Variants in GRIP1 observed in about 807,000 individuals in gnomAD.
The protein encoded by GRIP1 is glutamate receptor interacting protein 1.
In GRIP1, 45 loss-of-function variants were observed where a neutral mutation model predicts 129.9. That is an observed-to-expected ratio of 0.35 (90% CI 0.27 to 0.44). GRIP1 has a LOEUF of 0.44. GRIP1 is among the 20% of genes least tolerant of loss of function. The pLI is 1.00. For missense variants in GRIP1, 1,196 were observed against 1,396.8 expected (o/e 0.86, Z 2.29); for synonymous variants, 530 against 520.8 (o/e 1.02, Z -0.24).
At position 66,406,132 on chromosome 12, in the gene GRIP1, T is replaced by A; in HGVS notation, c.1984+151A>T. 1.2e-5 allele frequency: 8 copies of A among 682,524 alleles called. No individual in the cohort carries two copies. The South Asian group carries it at 1.5e-4, about 13-fold the overall frequency. The allele number at this position is 682,524 out of a possible 1,614,324, so 42.3% of individuals were successfully genotyped here. On this transcript the variant is annotated intron_variant, in intron 16 of 24. Coordinates refer to ENST00000359742, the MANE Select transcript of GRIP1 (RefSeq NM_001366722.1). The stretch of plus-strand genomic sequence containing the variant: ...CCATTATTTAAAATTTGTACTACAC[T>A]CTCAGCACAAAATTTAAAGACTCTT...
intron 1 of GRIP1, among the ~76,000 whole-genome samples, chr12:67,055,866 G>A (rs1172242967): frequency 6.6e-6 from 1 of 152,124 alleles, no homozygotes; most frequent in African/African-American, 2.4e-5. Context: ...GAGGATCCCA[G>A]GTATAGCCAG....
chr12:66,596,024 C>T (rs1262968143), intron 2 of GRIP1, among the ~76,000 whole-genome samples: 2 of 152,112 alleles, frequency 1.3e-5, no homozygotes, highest in Admixed American at 6.6e-5. Flanking sequence ...CTCTAAAATC[C>T]TGTAGCTGAG....
intron 1 of GRIP1, among the ~76,000 whole-genome samples, chr12:66,599,730 C>A (rs75508153): frequency 2.0e-5 from 3 of 152,128 alleles, no homozygotes; most frequent in Non-Finnish European, 2.9e-5. Flanking sequence ...TCTTCTCTTG[C>A]GTCTCTAAAT....
chr12:66,866,113 T>G (rs2137134959), intron 1 of GRIP1, among the ~76,000 whole-genome samples: 1 of 152,252 alleles, frequency 6.6e-6, no homozygotes, highest in African/African-American at 2.4e-5. Context: ...TTTAAAAACC[T>G]ATCATCATAT....
At chr12:66,817,951 A>G (rs1373889114) in intron 1 of GRIP1, among the ~76,000 whole-genome samples, 1 of 152,250 alleles carries the variant, frequency 6.6e-6, no homozygotes, top group East Asian at 1.9e-4. Context: ...AACAGAGTAT[A>G]GAAAGAAAAT....
rs77288411 is a variant in GRIP1 at position 66,904,429 on chromosome 12, G to T, written c.58+164621C>A. 2.0e-3 allele frequency among the ~76,000 whole-genome samples: 300 copies of T among 152,334 alleles called. 1 individual carries two copies. Among genetic ancestry groups the T allele is most frequent in the African/African-American group, 6.9e-3 (288 of 41,564 alleles). On this transcript the variant is annotated intron_variant, in intron 1 of 1. Coordinates refer to the GRIP1 transcript ENST00000643019. ...AAATCAATTGATCTGAGAGTTGGCTGATGGTGTTTTCAATTATGAATTTAA... is the reference window on the plus strand; with the variant it reads ...AAATCAATTGATCTGAGAGTTGGCTTATGGTGTTTTCAATTATGAATTTAA...
At chr12:66,582,702 A>T (rs897777723) in intron 2 of GRIP1, among the ~76,000 whole-genome samples, 4 of 144,654 alleles carry the variant, frequency 2.8e-5, no homozygotes, top group Admixed American at 1.4e-4. Context: ...CTTACAAGGG[A>T]CATGAAGGAC....
chr12:66,557,456 TACAG>T (rs2062374217), intron 2 of GRIP1, among the ~76,000 whole-genome samples: 1 of 152,158 alleles, frequency 6.6e-6, no homozygotes, highest in South Asian at 2.1e-4. Context: ...TAATCTGGAC[TACAG>T]ACCAAATGAA....
chr12:66,819,020 C>A (rs1234160454), intron 1 of GRIP1, among the ~76,000 whole-genome samples: 3 of 152,138 alleles, frequency 2.0e-5, no homozygotes, highest in Non-Finnish European at 1.5e-5. Context: ...ACTTAAATGT[C>A]TTTTACATGT....
At chr12:66,979,195 A>G (rs893281980) in intron 1 of GRIP1, among the ~76,000 whole-genome samples, 62 of 136,548 alleles carry the variant, frequency 4.5e-4, no homozygotes, top group Admixed American at 8.1e-4. Context: ...TTTATATAAT[A>G]TCCCCAAGCC....
chr12:66,354,947 C>T (rs1012357330), intron 23 of GRIP1, among the ~76,000 whole-genome samples: 5 of 152,136 alleles, frequency 3.3e-5, no homozygotes, highest in African/African-American at 7.2e-5. Flanking sequence ...TTCAATTTCA[C>T]TGGGGTTATG....
chr12:66,572,080 C>T (rs1462336505), intron 2 of GRIP1, among the ~76,000 whole-genome samples: 1 of 152,220 alleles, frequency 6.6e-6, no homozygotes, highest in Non-Finnish European at 1.5e-5. Context: ...ATGGAACTGC[C>T]TTATCAGTCC....
Position 66,348,629 on chromosome 12 carries a change from T to G in GRIP1, c.*390A>C, listed in dbSNP as rs952318782. 1.3e-5 allele frequency: 3 copies of G among 234,386 alleles called. No individual in the cohort carries two copies. Among genetic ancestry groups the G allele is most frequent in the Non-Finnish European group, 2.5e-5 (3 of 118,428 alleles). The allele number at this position is 234,386 out of a possible 1,614,324, so 14.5% of individuals were successfully genotyped here. A position where few individuals can be genotyped will look rare whatever the true frequency, so the allele number is the denominator to read the frequency against. ...AGTTCTTACATTAATGACTTCATAG[T>G]AAGAAACTGATTTCAAAGTGAATTA... is the stretch of plus-strand genomic sequence containing the variant. On this transcript the variant is annotated 3_prime_UTR_variant, in exon 25 of 25. Coordinates refer to ENST00000359742, the MANE Select transcript of GRIP1 (RefSeq NM_001366722.1).
At chr12:66,545,434 T>G (rs2061918719) in intron 2 of GRIP1, among the ~76,000 whole-genome samples, 2 of 152,164 alleles carry the variant, frequency 1.3e-5, no homozygotes, top group Non-Finnish European at 2.9e-5. Flanking sequence ...TGCAGAAAAC[T>G]ATATCCTTTA....
At chr12:66,455,276 T>C in intron 11 of GRIP1, 133 bp downstream of exon 11, 1 of 831,032 alleles carries the variant, frequency 1.2e-6, no homozygotes, top group South Asian at 1.4e-5. Context: ...GGCACAGAGC[T>C]GTTAGCTGCT....
At position 66,653,856 on chromosome 12, in the gene GRIP1, T is replaced by A. The variant is rs565463090; in HGVS notation, c.55+24994A>T. On this transcript the variant is annotated intron_variant, in intron 1 of 24. Transcript: ENST00000359742. The stretch of plus-strand genomic sequence containing the variant: ...AAACTTTGAACTGAAATATACACAA[T>A]TGAGTAGAGACCAGAGGTGTCCAGT... Among the ~76,000 whole-genome samples, 12 of 152,282 alleles carry A rather than the reference T, an allele frequency of 7.9e-5. No homozygotes were observed. In the South Asian group the frequency reaches 1.9e-3, roughly 24 times the overall value.
chr12:66,985,025 T>A (rs967278036), intron 1 of GRIP1, among the ~76,000 whole-genome samples: 5 of 152,198 alleles, frequency 3.3e-5, no homozygotes, highest in Non-Finnish European at 7.3e-5. Flanking sequence ...GCTTACTCAC[T>A]CTTTGAGTTG....
At chr12:66,872,298 G>A (rs1015567825) in intron 1 of GRIP1, among the ~76,000 whole-genome samples, 1 of 152,002 alleles carries the variant, frequency 6.6e-6, no homozygotes, top group African/African-American at 2.4e-5. Flanking sequence ...AGTCAGTACA[G>A]GGATTTCCTT....
chr12:66,678,547 G>T (rs2136270754), intron 1 of GRIP1, among the ~76,000 whole-genome samples: 1 of 151,804 alleles, frequency 6.6e-6, no homozygotes, highest in Middle Eastern at 3.4e-3. Context: ...CAAAATGACG[G>T]TTTCCCACAA....
Sources: gnomAD v4.1 joint callset for allele counts (sites outside exome capture counted in the v4.1 genomes callset) on GRCh38, gnomAD v4.1.1 for gene constraint, MANE v1.5 for transcripts, NCBI Gene and HGNC (gene_info 2026-07-23, HGNC 2026-07-21) for gene names.